TTC17: variants seen among roughly 807,000 people sequenced by gnomAD.
TTC17 encodes the protein tetratricopeptide repeat domain 17.
In TTC17, 58 loss-of-function variants were observed where a neutral mutation model predicts 143.8. The observed-to-expected ratio is 0.40, with a 90% CI of 0.33 to 0.50. The LOEUF is 0.50. TTC17 is among the 20% of genes least tolerant of loss of function. TTC17 has a pLI of 0.49. For synonymous variants in TTC17, 501 were observed against 497.8 expected (o/e 1.01, Z -0.09); for missense variants, 1,273 against 1,392.5 (o/e 0.91, Z 1.37).
chr11:43,393,437 TC>T (rs145327671), intron 5 of TTC17, among the ~76,000 whole-genome samples: 8,774 of 152,214 alleles, frequency 0.058, 271 homozygotes, highest in African/African-American at 0.091. Context: ...GCACAGAGCT[TC>T]CATGTCCTCT....
intron 9 of TTC17, 128 bp downstream of exon 9, chr11:43,400,176 A>C: frequency 1.9e-6 from 2 of 1,050,206 alleles, no homozygotes; most frequent in Non-Finnish European, 1.3e-6. Flanking sequence ...ACATCTCGAA[A>C]GCATGATTCA....
intron 21 of TTC17, among the ~76,000 whole-genome samples, chr11:43,480,067 A>G (rs1220065228): frequency 1.3e-5 from 2 of 152,202 alleles, no homozygotes; most frequent in Non-Finnish European, 2.9e-5. Flanking sequence ...CCTAACAAGA[A>G]GCCTGTTAAC....
At chr11:43,428,946 C>T (rs1430392287) in intron 16 of TTC17, among the ~76,000 whole-genome samples, 1 of 152,208 alleles carries the variant, frequency 6.6e-6, no homozygotes, top group African/African-American at 2.4e-5. Context: ...TCAGTCAGCA[C>T]ATAACCATTA....
chr11:43,379,518 A>G (rs1856885292), intron 2 of TTC17, among the ~76,000 whole-genome samples, 196 bp downstream of exon 2: 1 of 152,026 alleles, frequency 6.6e-6, no homozygotes, highest in African/African-American at 2.4e-5. Context: ...ATATTTGAGT[A>G]GTAGTAAGAA....
At chr11:43,443,929 A>G in intron 17 of TTC17, 127 bp from the exon 18 acceptor site, 2 of 1,121,918 alleles carry the variant, frequency 1.8e-6, no homozygotes, top group African/African-American at 3.1e-5. Context: ...TAGGTCTTTA[A>G]GAATTAAACT....
At chr11:43,370,718 C>T (rs891889945) in intron 1 of TTC17, among the ~76,000 whole-genome samples, 9 of 151,900 alleles carry the variant, frequency 5.9e-5, no homozygotes, top group African/African-American at 2.2e-4. Flanking sequence ...AGAATAATCA[C>T]GTAAAGTCAT....
At chr11:43,369,157 A>G (rs1337858099) in intron 1 of TTC17, among the ~76,000 whole-genome samples, 2 of 152,166 alleles carry the variant, frequency 1.3e-5, no homozygotes, top group Non-Finnish European at 2.9e-5. Context: ...TAATTATGTT[A>G]TTTGTATATG....
intron 21 of TTC17, among the ~76,000 whole-genome samples, chr11:43,478,344 A>T (rs149983868): frequency 6.6e-5 from 10 of 152,338 alleles, no homozygotes; most frequent in Middle Eastern, 3.4e-3. Context: ...TGGGGTACAT[A>T]GGAACAACCA....
At chr11:43,464,935 A>G (rs1229646479) in intron 21 of TTC17, among the ~76,000 whole-genome samples, 1 of 152,232 alleles carries the variant, frequency 6.6e-6, no homozygotes, top group Non-Finnish European at 1.5e-5. Flanking sequence ...GCTACAAAGC[A>G]CAAGAGACCA....
chr11:43,436,575 G>C (rs1470064184), intron 16 of TTC17, among the ~76,000 whole-genome samples: 3 of 152,120 alleles, frequency 2.0e-5, no homozygotes. Flanking sequence ...TCTTCTTAAT[G>C]TTACTGGTAT....
chr11:43,404,692 A>G (rs1858030874), intron 11 of TTC17, among the ~76,000 whole-genome samples: 1 of 152,116 alleles, frequency 6.6e-6, no homozygotes, highest in African/African-American at 2.4e-5. Flanking sequence ...TCACCATTAA[A>G]TTTTCAGAAT....
At chr11:43,392,107 G>T (rs1413091995) in intron 5 of TTC17, among the ~76,000 whole-genome samples, 155 bp downstream of exon 5, 5 of 152,232 alleles carry the variant, frequency 3.3e-5, no homozygotes, top group Non-Finnish European at 5.9e-5. Context: ...GCATAGTTCA[G>T]TGCTGGGGAG....
intron 6 of TTC17, 75 bp downstream of exon 6, chr11:43,396,893 A>G: frequency 1.2e-6 from 1 of 821,640 alleles, no homozygotes; most frequent in Non-Finnish European, 1.9e-6. Context: ...ATAAGAAAGC[A>G]GTAAGAAGCA....
chr11:43,421,517 T>A (rs1026632661), intron 16 of TTC17, among the ~76,000 whole-genome samples: 3 of 152,108 alleles, frequency 2.0e-5, no homozygotes, highest in Non-Finnish European at 4.4e-5. Flanking sequence ...TTACAGTCAG[T>A]CCCCATCACT....
intron 1 of TTC17, among the ~76,000 whole-genome samples, chr11:43,363,533 A>C (rs1020479129): frequency 1.2e-4 from 18 of 152,222 alleles, no homozygotes; most frequent in African/African-American, 4.3e-4. Flanking sequence ...TGGAGGGCTA[A>C]AAATTTAAGT....
intron 18 of TTC17, chr11:43,445,842 G>A (rs925346378): frequency 2.8e-6 from 2 of 716,556 alleles, no homozygotes; most frequent in African/African-American, 3.5e-5. Context: ...TGAGCCCATG[G>A]GGGAAAAATG....
At chr11:43,463,017 G>C (rs1326531108) in intron 21 of TTC17, among the ~76,000 whole-genome samples, 1 of 150,824 alleles carries the variant, frequency 6.6e-6, no homozygotes, top group Non-Finnish European at 1.5e-5. Context: ...CCAGGTTCAA[G>C]TGATTCTCCT....
intron 21 of TTC17, among the ~76,000 whole-genome samples, chr11:43,462,485 G>A (rs1366920254): frequency 3.9e-5 from 6 of 152,198 alleles, no homozygotes; most frequent in Admixed American, 6.5e-5. Flanking sequence ...CAGCAGCCAC[G>A]AGAAACCAGA....
Position 43,398,102 on chromosome 11 carries a change from G to A in TTC17, c.1047G>A (p.Glu349=), listed in dbSNP as rs1857695657. The change falls in exon 8 of 24, where the codon GAG becomes GAA. Residue 349 remains glutamate (E), a synonymous_variant. Transcript: ENST00000039989. The stretch of plus-strand genomic sequence containing the variant: ...AGCAAAAACTGGAGCAGAAATTGGA[G>A]GCTCAGCATAGGTAATTGAGAGGAA... ...LCQQKLEQKL[E]AQHRSLQRTL... 1.9e-6 allele frequency: 3 copies of A among 1,613,986 alleles called. No homozygotes were observed. The highest frequency in any genetic ancestry group is 2.5e-6 in the Non-Finnish European group (3 of 1,179,966).
Sources: allele counts gnomAD v4.1 joint callset (sites outside exome capture counted in the v4.1 genomes callset), GRCh38; gene constraint gnomAD v4.1.1; transcripts MANE v1.5; gene names NCBI Gene and HGNC (gene_info 2026-07-23, HGNC 2026-07-21).